The following CIMIP6 variants were observed in gnomAD, a reference collection of about 807,000 sequenced individuals.
The protein encoded by CIMIP6 is uncharacterized protein C2orf73.
At chr2:54,350,475 G>T in the CIMIP6 span, among the ~76,000 whole-genome samples, 1 of 152,282 alleles carries the variant, frequency 6.6e-6, no homozygotes, top group South Asian at 2.1e-4. Flanking sequence ...TTCTCCAGGT[G>T]GTCACTCCAC....
the CIMIP6 span, among the ~76,000 whole-genome samples, chr2:54,341,150 A>G: frequency 0.7 from 106,321 of 152,012 alleles, 37,721 homozygotes; most frequent in Non-Finnish European, 0.75. Flanking sequence ...ACTTTCTCAG[A>G]ATATTTACTG....
the CIMIP6 span, among the ~76,000 whole-genome samples, chr2:54,377,526 A>G: frequency 6.6e-6 from 1 of 152,138 alleles, no homozygotes; most frequent in Non-Finnish European, 1.5e-5. Context: ...GCTGGTTGTA[A>G]AACCTAACAA....
the CIMIP6 span, among the ~76,000 whole-genome samples, chr2:54,336,149 A>C: frequency 6.6e-6 from 1 of 152,160 alleles, no homozygotes; most frequent in African/African-American, 2.4e-5. Flanking sequence ...AGTTACCCTT[A>C]TATAGTGTAT....
At chr2:54,357,208 G>C in the CIMIP6 span, among the ~76,000 whole-genome samples, 8 of 152,088 alleles carry the variant, frequency 5.3e-5, no homozygotes, top group Non-Finnish European at 8.8e-5. Flanking sequence ...TTGCCATTTT[G>C]TAACATGTAA....
chr2:54,367,958 A>G, the CIMIP6 span, among the ~76,000 whole-genome samples: 1 of 152,202 alleles, frequency 6.6e-6, no homozygotes, highest in East Asian at 1.9e-4. Flanking sequence ...TATAGGTCAC[A>G]TAATTTCCTC....
chr2:54,382,040 A>C, the CIMIP6 span: 4 of 1,451,920 alleles, frequency 2.8e-6, no homozygotes, highest in Non-Finnish European at 3.6e-6. Flanking sequence ...CAGAGAAGTT[A>C]GGTAGCTCAC....
the CIMIP6 span, among the ~76,000 whole-genome samples, chr2:54,335,306 C>T: frequency 2.6e-5 from 4 of 151,998 alleles, no homozygotes; most frequent in South Asian, 2.1e-4. Flanking sequence ...CATGTATTTA[C>T]GATATATATT....
the CIMIP6 span, among the ~76,000 whole-genome samples, chr2:54,376,386 C>A: frequency 6.6e-6 from 1 of 152,128 alleles, no homozygotes; most frequent in Non-Finnish European, 1.5e-5. Context: ...ATATTCCTGT[C>A]GTCGTAAGTA....
chr2:54,343,284 G>A, the CIMIP6 span, among the ~76,000 whole-genome samples: 2 of 152,118 alleles, frequency 1.3e-5, no homozygotes, highest in African/African-American at 2.4e-5. Flanking sequence ...CATGGTTCAG[G>A]CTAGGGACTA....
At chr2:54,331,293 C>A in the CIMIP6 span, among the ~76,000 whole-genome samples, 3 of 152,150 alleles carry the variant, frequency 2.0e-5, no homozygotes, top group Non-Finnish European at 1.5e-5. Flanking sequence ...TTAAAATTAT[C>A]CAGAATCTAC....
chr2:54,336,034 C>T, the CIMIP6 span, among the ~76,000 whole-genome samples: 2 of 152,086 alleles, frequency 1.3e-5, no homozygotes, highest in Non-Finnish European at 2.9e-5. Flanking sequence ...CTGCAAAGTC[C>T]CTTTGCTATG....
chr2:54,360,492 AAAC>A, the CIMIP6 span: 1 of 1,571,448 alleles, frequency 6.4e-7, no homozygotes, highest in Non-Finnish European at 8.6e-7. Flanking sequence ...GGCGCCACTC[AAAC>A]AACTGTAGGA....
chr2:54,332,378 T>A, the CIMIP6 span, among the ~76,000 whole-genome samples: 1 of 152,232 alleles, frequency 6.6e-6, no homozygotes, highest in Non-Finnish European at 1.5e-5. Flanking sequence ...GGGCAGGAAT[T>A]TTTGTTTTGT....
At chr2:54,334,543 A>C in the CIMIP6 span, among the ~76,000 whole-genome samples, 1 of 152,018 alleles carries the variant, frequency 6.6e-6, no homozygotes, top group Non-Finnish European at 1.5e-5. Flanking sequence ...TCCAATCACT[A>C]CTCTTTCTTT....
chr2:54,333,493 C>T, the CIMIP6 span, among the ~76,000 whole-genome samples: 2 of 152,048 alleles, frequency 1.3e-5, no homozygotes, highest in Non-Finnish European at 2.9e-5. Context: ...TGAGTGAAGT[C>T]GAAGAGGTTC....
chr2:54,372,982 C>T, the CIMIP6 span, among the ~76,000 whole-genome samples: 28 of 152,200 alleles, frequency 1.8e-4, no homozygotes, highest in Admixed American at 1.4e-3. Flanking sequence ...GTCCTCTTTT[C>T]CATTCCCACT....
the CIMIP6 span, among the ~76,000 whole-genome samples, chr2:54,356,637 T>G: frequency 1.3e-5 from 2 of 152,176 alleles, no homozygotes; most frequent in Non-Finnish European, 2.9e-5. Context: ...GAAGACTCCA[T>G]AATTTGACCC....
At chr2:54,333,149 T>C in the CIMIP6 span, among the ~76,000 whole-genome samples, 1 of 152,214 alleles carries the variant, frequency 6.6e-6, no homozygotes, top group Non-Finnish European at 1.5e-5. Context: ...AATTCAACAA[T>C]GTACACCTTC....
the CIMIP6 span, among the ~76,000 whole-genome samples, chr2:54,365,675 T>C: frequency 6.6e-6 from 1 of 152,164 alleles, no homozygotes; most frequent in Non-Finnish European, 1.5e-5. Flanking sequence ...GTGCTGTGCT[T>C]CCTGAACAGC....
Sources: gnomAD v4.1 joint callset for allele counts (sites outside exome capture counted in the v4.1 genomes callset) on GRCh38, gnomAD v4.1.1 for gene constraint, MANE v1.5 for transcripts, NCBI Gene and HGNC (gene_info 2026-07-23, HGNC 2026-07-21) for gene names.